Variants in SMPD4 observed in about 807,000 individuals in gnomAD.
The protein encoded by SMPD4 is neutral sphingomyelinase 3.
In SMPD4, 58 loss-of-function variants were observed where a neutral mutation model predicts 97.8. The ratio of observed to expected loss-of-function variants is 0.59; its 90% CI spans 0.48 to 0.74. The LOEUF (loss-of-function observed/expected upper bound fraction) is 0.74. SMPD4 is among the 30% of genes least tolerant of loss of function. SMPD4 has a pLI of 0.00. For missense variants in SMPD4, 853 were observed against 1,080.5 expected, an observed-to-expected ratio of 0.79 and a Z score of 2.95; for synonymous variants, 388 against 450.0, an observed-to-expected ratio of 0.86 and a Z score of 1.74.
chr2:130,153,504 G>C (rs1686440778), intron 17 of SMPD4, 54 bp from the exon 18 acceptor site: 1 of 1,604,702 alleles, frequency 6.2e-7, no homozygotes. Context: ...GAGGGGACCA[G>C]TCTTCACCCC....
chr2:130,174,920 T>G lies in SMPD4; in HGVS notation c.120A>C (p.Pro40=), dbSNP rs369760232. 1.2e-6 allele frequency: 2 copies of G among 1,603,056 alleles called. No individual in the cohort carries two copies. Among genetic ancestry groups the G allele is most frequent in the African/African-American group, 2.7e-5 (2 of 74,798 alleles). Residue 40 remains proline (P), a synonymous_variant, in exon 3 of 20, where the codon CCA becomes CCC. Coordinates refer to ENST00000680298, the MANE Select transcript of SMPD4 (RefSeq NM_017951.5). ...GACGTTAGCAGAGCTATACCTTTGC[T>G]GGAAAGTCCTCAATGACTTTAACCA... ...QDLVKVIEDF[P]AKELHTIFPW...
chr2:130,177,104 A>G (rs1333099506), intron 1 of SMPD4, among the ~76,000 whole-genome samples: 2 of 152,212 alleles, frequency 1.3e-5, no homozygotes, highest in African/African-American at 4.8e-5. Context: ...GATTAGAGAC[A>G]GGCTCTTGCT....
chr2:130,159,625 G>C (rs1687191903), intron 11 of SMPD4: 1 of 146,396 alleles, frequency 6.8e-6, no homozygotes, highest in African/African-American at 2.6e-5. Flanking sequence ...GCAACGGAGT[G>C]AGACTCCATC....
At chr2:130,158,748 CCT>C (rs1687093870) in intron 11 of SMPD4, among the ~76,000 whole-genome samples, 1 of 152,116 alleles carries the variant, frequency 6.6e-6, no homozygotes, top group Admixed American at 6.5e-5. Flanking sequence ...AGGGCAGGAC[CCT>C]GAGTCTGAGT....
intron 15 of SMPD4, 108 bp downstream of exon 15, chr2:130,154,988 A>T: frequency 7.1e-7 from 1 of 1,418,152 alleles, no homozygotes; most frequent in Non-Finnish European, 9.5e-7. Context: ...GCCGGGGCCC[A>T]CTCTGGGCGT....
chr2:130,154,189 C>T, intron 16 of SMPD4, 88 bp downstream of exon 16: 4 of 1,436,036 alleles, frequency 2.8e-6, no homozygotes, highest in Non-Finnish European at 3.7e-6. Context: ...CAGCCTCCCT[C>T]CTTCCTGCTG....
intron 2 of SMPD4, 114 bp from the exon 3 acceptor site, chr2:130,175,114 T>C (rs1374229037): frequency 5.5e-6 from 4 of 725,222 alleles, no homozygotes; most frequent in Non-Finnish European, 9.9e-6. Context: ...GTCAGACCCA[T>C]AACCTCTGGC....
intron 11 of SMPD4, among the ~76,000 whole-genome samples, chr2:130,158,722 G>T (rs182456723): frequency 1.3e-5 from 2 of 152,268 alleles, no homozygotes; most frequent in East Asian, 3.9e-4. Context: ...ACGAGGGCAG[G>T]GAAGTAGGGG....
chr2:130,179,163 G>A (rs1689254112), intron 1 of SMPD4, among the ~76,000 whole-genome samples: 1 of 129,696 alleles, frequency 7.7e-6, no homozygotes, highest in South Asian at 2.4e-4. Context: ...TCGCTCTGTT[G>A]CCCAGGCTAG....
intron 10 of SMPD4, among the ~76,000 whole-genome samples, chr2:130,162,270 C>T (rs1302278080): frequency 6.6e-6 from 1 of 152,242 alleles, no homozygotes; most frequent in Non-Finnish European, 1.5e-5. Flanking sequence ...CCACGGCCTG[C>T]CGAAGCACCC....
In SMPD4 at chr2:130,172,628, C is replaced by T. The variant is rs760213997; in HGVS notation, c.504G>A (p.Gln168=). 1.2e-6 allele frequency: 2 copies of T among 1,614,216 alleles called. No homozygotes were observed. Among genetic ancestry groups the T allele is most frequent in the East Asian group, 4.5e-5 (2 of 44,878 alleles). Residue 168 remains glutamine (Q), a synonymous_variant, in exon 7 of 20, where the codon CAG becomes CAA. Transcript: ENST00000680298. The part of the protein sequence containing the change: ...IFFFALSLIT[Q]KPLPVSLHVR... ...GCAAAAGGCATCCCTTCCTTACCTTCTGAGTGATGAGGCTCAAGGCAAAGA... is the reference window on the plus strand; with the variant it reads ...GCAAAAGGCATCCCTTCCTTACCTTTTGAGTGATGAGGCTCAAGGCAAAGA...
chr2:130,168,051 C>T (rs1224266395), intron 8 of SMPD4, among the ~76,000 whole-genome samples: 4 of 152,060 alleles, frequency 2.6e-5, no homozygotes, highest in Admixed American at 1.3e-4. Flanking sequence ...AACATTGAAA[C>T]ATAAAACAGC....
chr2:130,164,844 C>A (rs1687769872), intron 9 of SMPD4, among the ~76,000 whole-genome samples: 1 of 152,020 alleles, frequency 6.6e-6, no homozygotes, highest in African/African-American at 2.4e-5. Flanking sequence ...GGTGGCTCAA[C>A]CCTGTCATCC....
At chr2:130,154,087 T>C (rs1030511041) in intron 16 of SMPD4, 152 bp from the exon 17 acceptor site, 12 of 1,097,280 alleles carry the variant, frequency 1.1e-5, no homozygotes, top group Non-Finnish European at 1.4e-5. Context: ...TCTTCTACAT[T>C]TGAAATTTCC....
At chr2:130,181,724 G>T (rs1357479240), upstream of SMPD4, 4 of 1,548,930 alleles carry the variant, frequency 2.6e-6, no homozygotes, top group African/African-American at 1.4e-5. Flanking sequence ...GAGAAATGGC[G>T]AGGCAGGAGT....
Position 130,153,908 on chromosome 2 carries a change from G to A in SMPD4, c.1687C>T (p.Gln563Ter). 1.9e-6 allele frequency: 3 copies of A among 1,613,808 alleles called. No individual in the cohort carries two copies. The highest frequency in any genetic ancestry group is 2.2e-5 in the South Asian group (2 of 91,078). Residue 563 changes from glutamine to a stop codon, truncating the protein, a stop_gained, in exon 17 of 20, where the codon CAG (glutamine) becomes TAG (stop). Coordinates refer to ENST00000680298, the MANE Select transcript of SMPD4 (RefSeq NM_017951.5). LOFTEE classifies it high-confidence loss of function. ...LVLRLAQLIT[Q>*]AKHTAKSISD... ...ATGGACTTGGCTGTGTGTTTGGCCT[G>A]TGTGATGAGCTGAGCGAGGCGCAGG...
chr2:130,157,124 TC>T (rs1686886106), intron 12 of SMPD4, 126 bp downstream of exon 12: 1 of 857,804 alleles, frequency 1.2e-6, no homozygotes, highest in Non-Finnish European at 1.8e-6. Flanking sequence ...CCTCACGTGC[TC>T]TGTGAACAGA....
At chr2:130,168,419 T>TAAA (rs1425561485) in intron 8 of SMPD4, among the ~76,000 whole-genome samples, 5 of 150,972 alleles carry the variant, frequency 3.3e-5, no homozygotes, top group Admixed American at 6.6e-5. Context: ...AACAAGACCC[T>TAAA]GTCTGCAAAT....
intron 5 of SMPD4, 132 bp downstream of exon 5, chr2:130,173,147 T>C: frequency 6.7e-6 from 7 of 1,050,586 alleles, no homozygotes; most frequent in Non-Finnish European, 1.0e-5. Flanking sequence ...CCCATTTCCT[T>C]TGCCTCTCAC....
Sources: allele counts gnomAD v4.1 joint callset (sites outside exome capture counted in the v4.1 genomes callset), GRCh38; gene constraint gnomAD v4.1.1; transcripts MANE v1.5; gene names NCBI Gene and HGNC (gene_info 2026-07-23, HGNC 2026-07-21).